Variants in SHANK2 observed in about 807,000 individuals in gnomAD.
The protein encoded by SHANK2 is SH3 and multiple ankyrin repeat domains 2.
A neutral mutation model predicts 133.7 loss-of-function variants in SHANK2; 43 were observed. The ratio of observed to expected loss-of-function variants is 0.32; its 90% confidence interval spans 0.25 to 0.41. SHANK2 has a LOEUF of 0.41. SHANK2 is among the 10% of genes least tolerant of loss of function. SHANK2 has a pLI of 1.00. For synonymous variants in SHANK2, 1,017 were observed against 952.8 expected (o/e 1.07, Z -1.24); for missense variants, 1,994 against 2,235.8 (o/e 0.89, Z 2.18).
At chr11:70,946,301 C>T (rs1950732705) in intron 10 of SHANK2, among the ~76,000 whole-genome samples, 2 of 148,574 alleles carry the variant, frequency 1.3e-5, no homozygotes, top group South Asian at 4.3e-4. Context: ...TTCCCAGGCT[C>T]AACCTCTCTC....
intron 17 of SHANK2, among the ~76,000 whole-genome samples, chr11:70,605,714 T>C (rs1370150871): frequency 3.3e-5 from 5 of 152,186 alleles, no homozygotes; most frequent in Non-Finnish European, 5.9e-5. Flanking sequence ...CCTGGGCTCA[T>C]TGCACAAATT....
intron 14 of SHANK2, among the ~76,000 whole-genome samples, chr11:70,781,969 G>A (rs1284399255): frequency 6.6e-6 from 1 of 151,998 alleles, no homozygotes; most frequent in Non-Finnish European, 1.5e-5. Flanking sequence ...GTAGGGACAT[G>A]GATGAAGCTG....
intron 22 of SHANK2, among the ~76,000 whole-genome samples, chr11:70,491,512 A>G (rs542321229): frequency 6.6e-6 from 1 of 152,374 alleles, no homozygotes; most frequent in South Asian, 2.1e-4. Context: ...ACAGTTGTTT[A>G]ATGCACATTA....
At chr11:70,910,664 G>C (rs1034590525) in intron 10 of SHANK2, among the ~76,000 whole-genome samples, 1 of 152,028 alleles carries the variant, frequency 6.6e-6, no homozygotes, top group African/African-American at 2.4e-5. Flanking sequence ...AAAATTAGCC[G>C]GGCATGGTGG....
chr11:71,151,937 C>T lies in SHANK2; in HGVS notation c.-12-4599G>A, dbSNP rs183705040. ...GCCCACAAGAGCAGTCAGGGGGGCACGAAGGGGGCGATGCTGGCAGAATGT... is the reference window on the plus strand; with the variant it reads ...GCCCACAAGAGCAGTCAGGGGGGCATGAAGGGGGCGATGCTGGCAGAATGT... On this transcript the variant is annotated intron_variant, in intron 2 of 25. Transcript: ENST00000601538. Among the ~76,000 whole-genome samples, 450 of 152,234 alleles carry T rather than the reference C, an allele frequency of 3.0e-3. 3 individuals carry two copies. Among genetic ancestry groups the T allele is most frequent in the African/African-American group, 9.3e-3 (385 of 41,546 alleles).
chr11:70,582,206 A>G (rs952260557), intron 17 of SHANK2, among the ~76,000 whole-genome samples: 5 of 152,246 alleles, frequency 3.3e-5, no homozygotes, highest in Non-Finnish European at 7.3e-5. Flanking sequence ...CAGGGGGCCA[A>G]TGCCGCCATC....
intron 14 of SHANK2, among the ~76,000 whole-genome samples, chr11:70,745,672 C>A (rs1946623505): frequency 6.6e-6 from 1 of 152,162 alleles, no homozygotes; most frequent in East Asian, 1.9e-4. Flanking sequence ...GGTAGAGCTG[C>A]TTGGAGCTGG....
chr11:71,066,050 G>A (rs1951053824), intron 9 of SHANK2, among the ~76,000 whole-genome samples: 1 of 138,136 alleles, frequency 7.2e-6, no homozygotes, highest in Admixed American at 7.5e-5. Flanking sequence ...GGAGGGTACA[G>A]AACTCTCCCA....
intron 14 of SHANK2, among the ~76,000 whole-genome samples, chr11:70,773,122 C>A (rs1288776936): frequency 6.6e-6 from 1 of 152,178 alleles, no homozygotes; most frequent in Non-Finnish European, 1.5e-5. Context: ...AGAGAGAGGC[C>A]TTCTAGAACT....
At chr11:71,137,253 CT>C (rs10713824) in intron 3 of SHANK2, among the ~76,000 whole-genome samples, 76,998 of 128,524 alleles carry the variant, frequency 0.6, 21,185 homozygotes, top group African/African-American at 0.69. Context: ...TTAGTCTTTT[CT>C]TTTTTTTTAA....
At chr11:70,495,683 C>T (rs1363125851) in intron 21 of SHANK2, among the ~76,000 whole-genome samples, 2 of 152,230 alleles carry the variant, frequency 1.3e-5, no homozygotes, top group Non-Finnish European at 2.9e-5. Context: ...CCTCTGACCC[C>T]AGTGGAGCGT....
chr11:71,106,690 G>A (rs939153001), intron 6 of SHANK2, among the ~76,000 whole-genome samples: 1 of 152,040 alleles, frequency 6.6e-6, no homozygotes, highest in African/African-American at 2.4e-5. Context: ...ATGGTGGCAC[G>A]TGCCTGTAGT....
chr11:71,069,745 C>A (rs967343564), intron 9 of SHANK2, among the ~76,000 whole-genome samples: 1 of 152,160 alleles, frequency 6.6e-6, no homozygotes, highest in Non-Finnish European at 1.5e-5. Context: ...GAAACCCAGA[C>A]CACCATGCCT....
At chr11:71,216,478 T>C (rs1954416697) in intron 2 of SHANK2, among the ~76,000 whole-genome samples, 1 of 152,032 alleles carries the variant, frequency 6.6e-6, no homozygotes, top group Non-Finnish European at 1.5e-5. Flanking sequence ...GTTAGAGGGA[T>C]TCAGGAGGAG....
At chr11:70,692,541 C>T (rs111550957) in intron 15 of SHANK2, among the ~76,000 whole-genome samples, 214 of 152,262 alleles carry the variant, frequency 1.4e-3, no homozygotes, top group Middle Eastern at 0.014. Context: ...GTCTTTAGAA[C>T]GCTTCAGATA....
intron 17 of SHANK2, among the ~76,000 whole-genome samples, chr11:70,617,705 T>G (rs1208549612): frequency 6.6e-6 from 1 of 152,032 alleles, no homozygotes; most frequent in Non-Finnish European, 1.5e-5. Flanking sequence ...TTACCCCACG[T>G]GCATATGACC....
intron 10 of SHANK2, among the ~76,000 whole-genome samples, chr11:70,940,474 T>C (rs1555084223): frequency 6.6e-6 from 1 of 151,706 alleles, no homozygotes; most frequent in African/African-American, 2.4e-5. Context: ...AGGCTGGTCT[T>C]GAACTCTTAA....
chr11:71,186,394 C>T lies in SHANK2; in HGVS notation c.-13+38303G>A, dbSNP rs117147779. ...ACTGAATTAATCTAACTGAACCAGG[C>T]GCCTTAAGGTCTATCAGTCATCCAG... On this transcript the variant is annotated intron_variant, in intron 2 of 25. Transcript: ENST00000601538. Among the ~76,000 whole-genome samples, 274 of 152,332 alleles carry T rather than the reference C, an allele frequency of 1.8e-3. 8 individuals carry two copies. The East Asian group carries it at 0.048, about 26-fold the overall frequency.
intron 21 of SHANK2, among the ~76,000 whole-genome samples, chr11:70,499,834 A>G (rs1486648062): frequency 6.6e-6 from 1 of 152,082 alleles, no homozygotes; most frequent in African/African-American, 2.4e-5. Context: ...ACCCAATCTC[A>G]TCTAACATGA....
Sources: allele counts gnomAD v4.1 joint callset (sites outside exome capture counted in the v4.1 genomes callset), GRCh38; gene constraint gnomAD v4.1.1; transcripts MANE v1.5; gene names NCBI Gene and HGNC (gene_info 2026-07-23, HGNC 2026-07-21).